PAX8: variants seen among roughly 807,000 people sequenced by gnomAD.
PAX8 encodes the protein paired box 8.
Under a neutral mutation model 52.4 loss-of-function variants are expected in PAX8, and 15 were observed. That is an observed-to-expected ratio of 0.29 (90% CI 0.19 to 0.44). The LOEUF (loss-of-function observed/expected upper bound fraction) is 0.44, where lower values mean the gene tolerates loss of function less well. Among genes scored for constraint, PAX8 ranks in the 20% least tolerant of loss-of-function variants. The pLI is 1.00. For synonymous variants in PAX8, 284 were observed against 249.7 expected, an observed-to-expected ratio of 1.14 and a Z score of -1.29; for missense variants, 554 against 602.5, an observed-to-expected ratio of 0.92 and a Z score of 0.84.
At chr2:113,277,302 C>T (rs1693888475) in intron 2 of PAX8, among the ~76,000 whole-genome samples, 1 of 152,344 alleles carries the variant, frequency 6.6e-6, no homozygotes. Context: ...GGGCCATGGC[C>T]CTGGGACTGG....
chr2:113,278,425 G>C lies in PAX8; in HGVS notation c.-31C>G. ...GGGAGTCGCTCGCAGCCCGCCGAGG[G>C]CTCGGGGCTTCCTCCCGTAGGTCCG... On this transcript the variant is annotated 5_prime_UTR_variant, in exon 2 of 12. Transcript: ENST00000429538. 1 of 1,610,354 alleles carries C rather than the reference G, an allele frequency of 6.2e-7. No individual in the cohort carries two copies. The highest frequency in any genetic ancestry group is 8.5e-7 in the Non-Finnish European group (1 of 1,178,824).
chr2:113,276,754 T>C (rs549352276), intron 2 of PAX8, among the ~76,000 whole-genome samples: 34 of 151,644 alleles, frequency 2.2e-4, no homozygotes, highest in Non-Finnish European at 4.0e-4. Flanking sequence ...CACAGTGAAT[T>C]TGATTTCCGA....
chr2:113,250,517 C>T (rs1026347479), intron 2 of PAX8, among the ~76,000 whole-genome samples: 28 of 152,132 alleles, frequency 1.8e-4, no homozygotes, highest in African/African-American at 6.5e-4. Context: ...GTTTCTGAAT[C>T]AGTAGGTCTG....
chr2:113,254,771 T>G (rs1265920715), intron 2 of PAX8, among the ~76,000 whole-genome samples: 1 of 152,182 alleles, frequency 6.6e-6, no homozygotes, highest in South Asian at 2.1e-4. Flanking sequence ...TTGCCATTCT[T>G]TCGCTGCATC....
chr2:113,267,103 G>C (rs1693126165), intron 2 of PAX8: 1 of 152,232 alleles, frequency 6.6e-6, no homozygotes, highest in African/African-American at 2.4e-5. Flanking sequence ...GGGGCTGAGG[G>C]GTCTCAGGCG....
intron 7 of PAX8, chr2:113,238,762 T>C (rs35920363): frequency 0.26 from 40,048 of 152,124 alleles, 5,272 homozygotes; most frequent in Admixed American, 0.28. Context: ...GACTCTACTT[T>C]ATGAGGCTGA....
At chr2:113,277,278 C>T (rs1238742588) in intron 2 of PAX8, among the ~76,000 whole-genome samples, 1 of 152,200 alleles carries the variant, frequency 6.6e-6, no homozygotes, top group Non-Finnish European at 1.5e-5. Flanking sequence ...GGGGTTCCCG[C>T]TCCCCTCCTA....
chr2:113,226,909 C>T, intron 10 of PAX8: 1 of 1,398,874 alleles, frequency 7.1e-7, no homozygotes. Context: ...CCCTTTTCAT[C>T]ATGGAGGGTA....
chr2:113,242,626 G>A, intron 5 of PAX8, 64 bp downstream of exon 5: 1 of 1,058,698 alleles, frequency 9.4e-7, no homozygotes, highest in East Asian at 2.4e-5. Flanking sequence ...CTGTGTATAT[G>A]TGGGTATGCT....
chr2:113,229,305 C>A (rs1208024406), intron 9 of PAX8, among the ~76,000 whole-genome samples: 2 of 152,156 alleles, frequency 1.3e-5, no homozygotes, highest in Non-Finnish European at 1.5e-5. Context: ...GCTGTAGGCA[C>A]CTTATTACAA....
At chr2:113,248,312 G>A (rs767840408) in intron 2 of PAX8, among the ~76,000 whole-genome samples, 13 of 152,220 alleles carry the variant, frequency 8.5e-5, no homozygotes, top group African/African-American at 2.7e-4. Context: ...TGCTCCTTGA[G>A]GGGAGCCCTG....
chr2:113,224,375 C>A (rs558269970), intron 10 of PAX8, among the ~76,000 whole-genome samples: 1 of 151,904 alleles, frequency 6.6e-6, no homozygotes, highest in East Asian at 1.9e-4. Flanking sequence ...GGTGAAACTC[C>A]GTCTCTACCA....
chr2:113,229,792 G>A (rs1689783102), intron 9 of PAX8, among the ~76,000 whole-genome samples: 1 of 152,216 alleles, frequency 6.6e-6, no homozygotes, highest in African/African-American at 2.4e-5. Flanking sequence ...GCACCGGCTA[G>A]GCAAGAGGGA....
Position 113,247,770 on chromosome 2 carries a change from G to A in PAX8, c.26-851C>T, listed in dbSNP as rs558433583. Reference sequence around the variant, plus strand: ...GTATTGAGTGCTAACTATGTGCCACGCACTGCACAGGTCCCTGATGATGCC... The same window carrying A: ...GTATTGAGTGCTAACTATGTGCCACACACTGCACAGGTCCCTGATGATGCC... On this transcript the variant is annotated intron_variant, in intron 2 of 11. Transcript: ENST00000429538. 7.0e-4 allele frequency among the ~76,000 whole-genome samples: 106 copies of A among 152,316 alleles called. 3 individuals carry two copies. In the South Asian group the frequency reaches 0.02, roughly 29 times the overall value.
chr2:113,240,940 G>C (rs1026916221), intron 7 of PAX8: 12 of 177,724 alleles, frequency 6.8e-5, no homozygotes, highest in Middle Eastern at 2.7e-3. Flanking sequence ...CATGCAGAAG[G>C]GCAAGAGGCA....
rs990876801 is a variant in PAX8 at position 113,217,530 on chromosome 2, A to G, written c.*1003T>C. ...TTGACCCAAACAAAGTTTCATTTAC[A>G]GTATATACAGTCAGGCCTTGGGGGC... On this transcript the variant is annotated 3_prime_UTR_variant, in exon 12 of 12. Coordinates refer to ENST00000429538, the MANE Select transcript of PAX8 (RefSeq NM_003466.4). 4.3e-6 allele frequency: 1 copy of G among 230,390 alleles called. No homozygotes were observed. The highest frequency in any genetic ancestry group is 8.6e-6 in the Non-Finnish European group (1 of 116,134). 14.3% of individuals were successfully genotyped at this position (230,390 alleles called of 1,614,324 possible). A position where few individuals can be genotyped will look rare whatever the true frequency, so the allele number is the denominator to read the frequency against.
rs1573443412 is a variant in PAX8, at chr2:113,236,845, C to T, written c.778-124G>A. The T allele has an allele frequency of 4.6e-6, 5 of 1,086,172 alleles. No individual in the cohort carries two copies. The East Asian group carries it at 8.1e-5, about 18-fold the overall frequency. 67.3% of individuals were successfully genotyped at this position (1,086,172 alleles called of 1,614,324 possible). On this transcript the variant is annotated intron_variant, in intron 7 of 11. Transcript: ENST00000429538. ...CCCCAGGAGAGGTCCTCATCGCCCC[C>T]TTCTTCCTTTACGTTCTCAACTCCA...
At chr2:113,246,338 T>G (rs1384048133) in intron 3 of PAX8, among the ~76,000 whole-genome samples, 1 of 152,182 alleles carries the variant, frequency 6.6e-6, no homozygotes, top group African/African-American at 2.4e-5. Flanking sequence ...AAGCACAAAC[T>G]CAGATATCAC....
chr2:113,261,641 G>A (rs897258135), intron 2 of PAX8, among the ~76,000 whole-genome samples: 3 of 152,162 alleles, frequency 2.0e-5, no homozygotes, highest in African/African-American at 7.2e-5. Flanking sequence ...GCTGTCTAAT[G>A]TCACAGATTC....
Sources: gnomAD v4.1 joint callset for allele counts (sites outside exome capture counted in the v4.1 genomes callset) on GRCh38, gnomAD v4.1.1 for gene constraint, MANE v1.5 for transcripts, NCBI Gene and HGNC (gene_info 2026-07-23, HGNC 2026-07-21) for gene names.